DLG2: variants seen among roughly 807,000 people sequenced by gnomAD.
The protein encoded by DLG2 is disks large homolog 2.
A neutral mutation model predicts 132.5 loss-of-function variants in DLG2; 45 were observed. That is an observed-to-expected ratio of 0.34 (90% confidence interval 0.27 to 0.44). The LOEUF is 0.44. DLG2 is among the 20% of genes least tolerant of loss of function. DLG2 has a pLI of 1.00. For synonymous variants in DLG2, 424 were observed against 419.6 expected, an observed-to-expected ratio of 1.01 and a Z score of -0.13; for missense variants, 1,045 against 1,196.9, an observed-to-expected ratio of 0.87 and a Z score of 1.87.
intron 6 of DLG2, among the ~76,000 whole-genome samples, chr11:84,969,345 C>A (rs944321328): frequency 2.0e-5 from 3 of 152,186 alleles, no homozygotes; most frequent in Non-Finnish European, 4.4e-5. Context: ...TCTGAGACTG[C>A]TACTTACGTC....
At chr11:85,495,703 C>A (rs1027037616) in intron 3 of DLG2, among the ~76,000 whole-genome samples, 1 of 152,136 alleles carries the variant, frequency 6.6e-6, no homozygotes, top group African/African-American at 2.4e-5. Flanking sequence ...TTAGTTTAAC[C>A]ATTGTGGAAG....
intron 6 of DLG2, among the ~76,000 whole-genome samples, chr11:84,740,118 G>A (rs189581424): frequency 6.6e-6 from 1 of 151,960 alleles, no homozygotes; most frequent in Non-Finnish European, 1.5e-5. Context: ...TTGCAAGAAA[G>A]GACCAAAGTA....
At chr11:84,201,209 G>T (rs2096588019) in intron 8 of DLG2, among the ~76,000 whole-genome samples, 1 of 152,080 alleles carries the variant, frequency 6.6e-6, no homozygotes, top group South Asian at 2.1e-4. Flanking sequence ...TAATCATGTG[G>T]TTTTTGTCTT....
rs143955451 is a variant in DLG2 at position 83,594,205 on chromosome 11, C to T, written c.1940+39006G>A. On this transcript the variant is annotated intron_variant, in intron 19 of 27. Transcript: ENST00000376104. ...TCAGGATGCAACCCTTTCTCTTCTG[C>T]CTTGGCTATCAAGGAACTGATTTCT... Among the ~76,000 whole-genome samples, 136 of 152,322 alleles carry T rather than the reference C, an allele frequency of 8.9e-4. 1 individual carries two copies. The South Asian group carries it at 9.1e-3, about 10-fold the overall frequency.
chr11:85,426,701 A>G (rs2090771187), intron 3 of DLG2, among the ~76,000 whole-genome samples: 1 of 152,224 alleles, frequency 6.6e-6, no homozygotes, highest in Non-Finnish European at 1.5e-5. Flanking sequence ...AAAACTGGAA[A>G]CTCTAAAAAT....
chr11:85,272,481 A>C (rs979812153), intron 4 of DLG2, among the ~76,000 whole-genome samples: 2 of 152,190 alleles, frequency 1.3e-5, no homozygotes, highest in East Asian at 3.9e-4. Flanking sequence ...GGCAGCCTTG[A>C]GGCAGAATTC....
intron 2 of DLG2, among the ~76,000 whole-genome samples, chr11:85,613,755 G>A (rs1252335341): frequency 2.6e-5 from 4 of 152,318 alleles, no homozygotes; most frequent in South Asian, 4.1e-4. Flanking sequence ...CATGCTGCCC[G>A]AGCCAGCAGC....
At chr11:85,283,515 T>C (rs1047790813) in intron 4 of DLG2, among the ~76,000 whole-genome samples, 1 of 150,372 alleles carries the variant, frequency 6.7e-6, no homozygotes, top group African/African-American at 2.4e-5. Context: ...CAGGATGGCA[T>C]GTTTCATAAA....
At chr11:85,136,515 C>A (rs2076154766) in intron 5 of DLG2, among the ~76,000 whole-genome samples, 1 of 151,964 alleles carries the variant, frequency 6.6e-6, no homozygotes, top group South Asian at 2.1e-4. Flanking sequence ...TCAGTTGGGC[C>A]TGTGATTTTC....
intron 6 of DLG2, among the ~76,000 whole-genome samples, chr11:85,029,287 G>A (rs918870777): frequency 1.3e-5 from 2 of 151,688 alleles, no homozygotes; most frequent in African/African-American, 2.4e-5. Context: ...CTCTTGTAAT[G>A]TCTGTTAAAG....
chr11:85,291,952 T>G (rs2078921835), intron 3 of DLG2, among the ~76,000 whole-genome samples: 1 of 152,136 alleles, frequency 6.6e-6, no homozygotes, highest in Non-Finnish European at 1.5e-5. Flanking sequence ...GCCTTACGCT[T>G]CCTCCAACAT....
At chr11:85,597,340 C>T (rs1217679433) in intron 3 of DLG2, among the ~76,000 whole-genome samples, 1 of 151,876 alleles carries the variant, frequency 6.6e-6, no homozygotes, top group East Asian at 1.9e-4. Context: ...TAGTTAATGA[C>T]CTTTACTAAT....
chr11:85,112,327 T>C (rs1339662075), intron 5 of DLG2, among the ~76,000 whole-genome samples: 1 of 152,104 alleles, frequency 6.6e-6, no homozygotes, highest in Non-Finnish European at 1.5e-5. Flanking sequence ...CACTTCTTTA[T>C]ACAAAAGAAA....
At chr11:84,788,589 G>C (rs1320547318) in intron 6 of DLG2, among the ~76,000 whole-genome samples, 4 of 151,842 alleles carry the variant, frequency 2.6e-5, no homozygotes, top group African/African-American at 9.7e-5. Context: ...TATATACAAT[G>C]TTTCCCTCTA....
intron 7 of DLG2, among the ~76,000 whole-genome samples, chr11:84,479,236 C>T (rs186493597): frequency 2.0e-5 from 3 of 152,078 alleles, no homozygotes; most frequent in Admixed American, 2.0e-4. Flanking sequence ...TTCATTTTTG[C>T]AGTAATTTGT....
At chr11:85,228,075 T>C (rs1212906443) in intron 4 of DLG2, among the ~76,000 whole-genome samples, 2 of 152,048 alleles carry the variant, frequency 1.3e-5, no homozygotes, top group Non-Finnish European at 2.9e-5. Flanking sequence ...CTTACATGTA[T>C]CACTACCTGG....
rs942522391 is a variant in DLG2, at chr11:83,890,143, A to T, written c.1497-15655T>A. 2.0e-5 allele frequency among the ~76,000 whole-genome samples: 3 copies of T among 152,182 alleles called. No individual in the cohort carries two copies. In the South Asian group the frequency reaches 6.2e-4, roughly 32 times the overall value. Reference sequence around the variant, plus strand: ...ATAAAAAAAGAAATTTTATATAAAAATAGAGAGGTACTACAAAAAGCACCA... The same window carrying T: ...ATAAAAAAAGAAATTTTATATAAAATTAGAGAGGTACTACAAAAAGCACCA... On this transcript the variant is annotated intron_variant, in intron 15 of 27. Transcript: ENST00000376104.
At chr11:84,679,682 C>T (rs1020699139) in intron 6 of DLG2, among the ~76,000 whole-genome samples, 1 of 151,978 alleles carries the variant, frequency 6.6e-6, no homozygotes, top group African/African-American at 2.4e-5. Context: ...CTAAACGCTT[C>T]GTATATATTA....
intron 4 of DLG2, among the ~76,000 whole-genome samples, chr11:85,170,748 T>C (rs1321131494): frequency 1.3e-5 from 2 of 152,062 alleles, no homozygotes; most frequent in Non-Finnish European, 2.9e-5. Flanking sequence ...GGAAAATGCA[T>C]TGCAAGAAAA....
Sources: gnomAD v4.1 joint callset for allele counts (sites outside exome capture counted in the v4.1 genomes callset) on GRCh38, gnomAD v4.1.1 for gene constraint, MANE v1.5 for transcripts, NCBI Gene and HGNC (gene_info 2026-07-23, HGNC 2026-07-21) for gene names.